Variants in PPP1R12A observed in about 807,000 individuals in gnomAD.
PPP1R12A encodes myosin binding subunit.
Under a neutral mutation model 139.6 loss-of-function variants are expected in PPP1R12A, and 19 were observed. The observed-to-expected ratio is 0.14, with a 90% CI of 0.09 to 0.20. PPP1R12A has a LOEUF of 0.20. Ranked by LOEUF, PPP1R12A falls within the 10% of genes least tolerant of loss-of-function variation. PPP1R12A has a pLI of 1.00. For synonymous variants in PPP1R12A, 427 were observed against 420.6 expected (o/e 1.02, Z -0.19); for missense variants, 925 against 1,211.5 (o/e 0.76, Z 3.51).
intron 23 of PPP1R12A, chr12:79,779,474 A>C: frequency 2.7e-6 from 2 of 745,048 alleles, no homozygotes; most frequent in Non-Finnish European, 4.0e-6. Flanking sequence ...GTAAATGTTA[A>C]TGTTTTTAGG....
intron 3 of PPP1R12A, among the ~76,000 whole-genome samples, chr12:79,842,703 C>G (rs1178889136): frequency 6.6e-6 from 1 of 151,552 alleles, no homozygotes; most frequent in Non-Finnish European, 1.5e-5. Context: ...AATTTACCAT[C>G]TTAACTTTTT....
chr12:79,906,788 C>T (rs897325967), intron 1 of PPP1R12A, among the ~76,000 whole-genome samples: 14 of 152,212 alleles, frequency 9.2e-5, no homozygotes, highest in Non-Finnish European at 1.6e-4. Context: ...GGACTACAGG[C>T]GCCCACCACC....
Position 79,864,226 on chromosome 12 carries a change from C to T in PPP1R12A, c.368+8582G>A, listed in dbSNP as rs1406862716. ...AACTACATGGAAACTGAACAACCTG[C>T]TCCTGAGTAACTACTGGGTAAATAA... On this transcript the variant is annotated intron_variant, in intron 2 of 24. Coordinates refer to ENST00000450142, the MANE Select transcript of PPP1R12A (RefSeq NM_002480.3). Among the ~76,000 whole-genome samples the T allele has an allele frequency of 3.3e-5, 5 of 152,182 alleles. No homozygotes were observed. In the South Asian group the frequency reaches 1.0e-3, roughly 31 times the overall value.
chr12:79,815,981 AT>A (rs67566123), intron 9 of PPP1R12A, among the ~76,000 whole-genome samples: 114,737 of 150,930 alleles, frequency 0.76, 47,119 homozygotes, highest in Non-Finnish European at 0.92. Context: ...AACAGCAGGG[AT>A]TTTTTTTTTT....
At chr12:79,883,364 A>C (rs116629700) in intron 1 of PPP1R12A, among the ~76,000 whole-genome samples, 2,048 of 152,210 alleles carry the variant, frequency 0.013, 51 homozygotes, top group African/African-American at 0.047. Flanking sequence ...AACCAAAAAA[A>C]ATTGTGTGAC....
At chr12:79,822,074 T>C in intron 6 of PPP1R12A, 42 bp downstream of exon 6, 1 of 1,316,714 alleles carries the variant, frequency 7.6e-7, no homozygotes, top group Non-Finnish European at 1.1e-6. Flanking sequence ...TTCAAAATTA[T>C]TAAGGTAAGT....
intron 14 of PPP1R12A, among the ~76,000 whole-genome samples, chr12:79,803,957 G>A (rs1168353102): frequency 6.6e-6 from 1 of 152,062 alleles, no homozygotes; most frequent in African/African-American, 2.4e-5. Flanking sequence ...TGATGATTCT[G>A]GGGAGACATT....
chr12:79,815,310 C>T (rs1293339353), intron 9 of PPP1R12A, among the ~76,000 whole-genome samples: 1 of 152,078 alleles, frequency 6.6e-6, no homozygotes, highest in African/African-American at 2.4e-5. Flanking sequence ...GTGGGCGGAT[C>T]ACAAGGTCAG....
At chr12:79,880,101 T>C (rs1407286099) in intron 1 of PPP1R12A, among the ~76,000 whole-genome samples, 1 of 152,114 alleles carries the variant, frequency 6.6e-6, no homozygotes, top group Non-Finnish European at 1.5e-5. Context: ...TCATATTATA[T>C]ATACTAAAAA....
intron 22 of PPP1R12A, 95 bp downstream of exon 22, chr12:79,786,278 TC>T: frequency 1.4e-6 from 1 of 693,150 alleles, no homozygotes; most frequent in South Asian, 2.0e-5. Flanking sequence ...TTATCAAACT[TC>T]TATTTAGAGT....
chr12:79,774,338 C>A lies in PPP1R12A; in HGVS notation c.*1591G>T, dbSNP rs1869521153. ...ACTTAAAATCCTGCTTACCAAAACA[C>A]CCTTCCCCAACCCCAAAGTAATCTA... On this transcript the variant is annotated 3_prime_UTR_variant, in exon 25 of 25. Coordinates refer to ENST00000450142, the MANE Select transcript of PPP1R12A (RefSeq NM_002480.3). The A allele has an allele frequency of 6.6e-6, 1 of 152,538 alleles. No homozygotes were observed. Among genetic ancestry groups the A allele is most frequent in the African/African-American group, 2.4e-5 (1 of 41,432 alleles). 9.4% of individuals were successfully genotyped at this position (152,538 alleles called of 1,614,324 possible).
intron 2 of PPP1R12A, among the ~76,000 whole-genome samples, chr12:79,853,938 G>T (rs1880338451): frequency 6.6e-6 from 1 of 152,176 alleles, no homozygotes; most frequent in Non-Finnish European, 1.5e-5. Flanking sequence ...ACATGACTGG[G>T]TTGTCATTAT....
At chr12:79,924,076 T>C (rs2136954273) in intron 1 of PPP1R12A, among the ~76,000 whole-genome samples, 1 of 152,086 alleles carries the variant, frequency 6.6e-6, no homozygotes, top group African/African-American at 2.4e-5. Flanking sequence ...AAAAAGGAGA[T>C]GGGGATGACC....
chr12:79,845,533 T>C, intron 2 of PPP1R12A, 113 bp from the exon 3 acceptor site: 2 of 714,026 alleles, frequency 2.8e-6, no homozygotes, highest in Non-Finnish European at 4.5e-6. Context: ...GGGCAGTATA[T>C]ACATTATTTA....
intron 13 of PPP1R12A, 90 bp downstream of exon 13, chr12:79,806,076 A>C: frequency 7.0e-7 from 1 of 1,431,852 alleles, no homozygotes; most frequent in Non-Finnish European, 9.4e-7. Flanking sequence ...TAAATGAAAA[A>C]ATCCAGAGCC....
intron 3 of PPP1R12A, among the ~76,000 whole-genome samples, chr12:79,838,874 A>C (rs1878387995): frequency 6.6e-6 from 1 of 152,226 alleles, no homozygotes; most frequent in Admixed American, 6.5e-5. Flanking sequence ...ATGTGAGGTC[A>C]GAGACCCCAC....
chr12:79,804,916 A>T (rs1168236506), intron 14 of PPP1R12A, among the ~76,000 whole-genome samples: 1 of 152,226 alleles, frequency 6.6e-6, no homozygotes, highest in African/African-American at 2.4e-5. Flanking sequence ...AAATCCCAAA[A>T]GATAGTTAGT....
intron 24 of PPP1R12A, chr12:79,777,399 TATATG>T: frequency 2.0e-6 from 2 of 984,594 alleles, no homozygotes; most frequent in South Asian, 4.7e-5. Context: ...CATAATTAGT[TATATG>T]ATATGCTCCA....
intron 1 of PPP1R12A, among the ~76,000 whole-genome samples, chr12:79,892,504 A>C (rs1032881780): frequency 1.3e-5 from 2 of 152,198 alleles, no homozygotes; most frequent in Non-Finnish European, 2.9e-5. Context: ...TTAAAAAAGA[A>C]ATGTCAACTT....
Sources: gnomAD v4.1 joint callset for allele counts (sites outside exome capture counted in the v4.1 genomes callset) on GRCh38, gnomAD v4.1.1 for gene constraint, MANE v1.5 for transcripts, NCBI Gene and HGNC (gene_info 2026-07-23, HGNC 2026-07-21) for gene names.